The following CMIP variants were observed in gnomAD, a reference collection of about 807,000 sequenced individuals.
CMIP encodes the protein C-Maf-inducing protein.
In CMIP, 13 loss-of-function variants were observed where a neutral mutation model predicts 97.3. The observed-to-expected ratio is 0.13, with a 90% confidence interval of 0.09 to 0.21. The LOEUF (loss-of-function observed/expected upper bound fraction) is 0.21. Ranked by LOEUF, CMIP falls within the 10% of genes least tolerant of loss-of-function variation. The pLI, the probability that CMIP is intolerant of heterozygous loss-of-function variation, is 1.00. For missense variants in CMIP, 847 were observed against 1,024.9 expected, an observed-to-expected ratio of 0.83 and a Z score of 2.37; for synonymous variants, 538 against 436.3, an observed-to-expected ratio of 1.23 and a Z score of -2.91.
At chr16:81,511,850 C>G (rs2089816725) in intron 1 of CMIP, among the ~76,000 whole-genome samples, 1 of 152,230 alleles carries the variant, frequency 6.6e-6, no homozygotes, top group South Asian at 2.1e-4. Flanking sequence ...GTGTGAGCCA[C>G]TGCACCTGGC....
intron 3 of CMIP, among the ~76,000 whole-genome samples, chr16:81,649,306 C>T (rs554447336): frequency 4.6e-5 from 7 of 152,366 alleles, no homozygotes; most frequent in South Asian, 2.1e-4. Flanking sequence ...TTGTCCTCCC[C>T]GCTCCAAGGA....
In CMIP at chr16:81,696,672, G is replaced by T. The variant is rs371157898; in HGVS notation, c.1638+5G>T. The T allele has an allele frequency of 1.2e-6, 2 of 1,604,048 alleles. No individual in the cohort carries two copies. The highest frequency in any genetic ancestry group is 1.7e-4 in the Middle Eastern group (1 of 5,774). The stretch of plus-strand genomic sequence containing the variant: ...GGGGAGCTGTTCGCCAGCATGGTAC[G>T]CAGTGGGACCCCAGTGGGGTGACTT... On this transcript the variant is annotated splice_donor_5th_base_variant and intron_variant, in intron 14 of 20. Coordinates refer to ENST00000537098, the MANE Select transcript of CMIP (RefSeq NM_198390.3).
At chr16:81,512,835 C>G (rs771688569) in intron 1 of CMIP, among the ~76,000 whole-genome samples, 22 of 152,132 alleles carry the variant, frequency 1.4e-4, no homozygotes, top group Non-Finnish European at 2.5e-4. Context: ...TTCCTGGGTT[C>G]AAGCAATTCT....
rs1191764449 is a variant in CMIP at position 81,706,881 on chromosome 16, A to G, written c.2198-133A>G. The G allele has an allele frequency of 1.8e-5, 13 of 727,930 alleles. No individual in the cohort carries two copies. The East Asian group carries it at 3.3e-4, about 18-fold the overall frequency. The allele number at this position is 727,930 out of a possible 1,614,324, so 45.1% of individuals were successfully genotyped here. A position where few individuals can be genotyped will look rare whatever the true frequency, so the allele number is the denominator to read the frequency against. On this transcript the variant is annotated intron_variant, in intron 19 of 20. Coordinates refer to ENST00000537098, the MANE Select transcript of CMIP (RefSeq NM_198390.3). Reference sequence around the variant, plus strand: ...GCCACCTACCCTGGCTGTGTCTACGAAACCTCCCTCCCCAGCCCCATCTCC... The same window carrying G: ...GCCACCTACCCTGGCTGTGTCTACGGAACCTCCCTCCCCAGCCCCATCTCC...
At chr16:81,587,789 T>C (rs1349178637) in intron 1 of CMIP, among the ~76,000 whole-genome samples, 1 of 152,218 alleles carries the variant, frequency 6.6e-6, no homozygotes, top group Non-Finnish European at 1.5e-5. Context: ...AGAGCACACG[T>C]TGATCCCCTC....
At chr16:81,522,701 G>A (rs890379936) in intron 1 of CMIP, among the ~76,000 whole-genome samples, 3 of 152,028 alleles carry the variant, frequency 2.0e-5, no homozygotes, top group Admixed American at 6.6e-5. Flanking sequence ...CTACCGCCCC[G>A]ACTAGAGCAT....
chr16:81,700,538 C>T (rs1420912072), intron 15 of CMIP: 1 of 152,524 alleles, frequency 6.6e-6, no homozygotes, highest in African/African-American at 2.4e-5. Flanking sequence ...GCCACATCCT[C>T]CTGCTGGCAG....
intron 1 of CMIP, among the ~76,000 whole-genome samples, chr16:81,482,062 A>T (rs2089233165): frequency 6.6e-6 from 1 of 152,104 alleles, no homozygotes; most frequent in Non-Finnish European, 1.5e-5. Flanking sequence ...TATTTTTAGC[A>T]GAGACAGCGT....
At chr16:81,591,556 C>T (rs1478143002) in intron 1 of CMIP, among the ~76,000 whole-genome samples, 1 of 152,110 alleles carries the variant, frequency 6.6e-6, no homozygotes, top group Non-Finnish European at 1.5e-5. Context: ...ATCATACTGG[C>T]CAAAACAAGC....
chr16:81,654,384 C>T (rs1308162832), intron 4 of CMIP, among the ~76,000 whole-genome samples: 1 of 152,186 alleles, frequency 6.6e-6, no homozygotes, highest in Non-Finnish European at 1.5e-5. Context: ...AGACACCTGG[C>T]TGAGGGTGCT....
intron 1 of CMIP, among the ~76,000 whole-genome samples, chr16:81,567,415 G>A (rs999496662): frequency 1.3e-5 from 2 of 152,224 alleles, no homozygotes; most frequent in African/African-American, 4.8e-5. Flanking sequence ...CACCTTCCCC[G>A]GGCCCAGGAG....
At chr16:81,543,624 T>A (rs2090490227) in intron 1 of CMIP, among the ~76,000 whole-genome samples, 1 of 151,960 alleles carries the variant, frequency 6.6e-6, no homozygotes, top group African/African-American at 2.4e-5. Context: ...GCTAGTCACT[T>A]CCCCCCGTTC....
At chr16:81,576,784 G>A (rs1183221039) in intron 1 of CMIP, among the ~76,000 whole-genome samples, 1 of 152,178 alleles carries the variant, frequency 6.6e-6, no homozygotes, top group Non-Finnish European at 1.5e-5. Context: ...CTTTCTAGCT[G>A]TGTAGCTTTG....
rs2089468878 is a variant in CMIP at position 81,495,311 on chromosome 16, G to C, written c.300+49770G>C. ...ACCCTCTGGGGCGGGGCCCTGGGCA[G>C]GCTGGTTCAGTGATAAGCAGGAGCC... is the stretch of plus-strand genomic sequence containing the variant. On this transcript the variant is annotated intron_variant, in intron 1 of 20. Coordinates refer to ENST00000537098, the MANE Select transcript of CMIP (RefSeq NM_198390.3). 2.8e-6 allele frequency: 4 copies of C among 1,448,698 alleles called. No individual in the cohort carries two copies. In the South Asian group the frequency reaches 4.3e-5, roughly 16 times the overall value. The allele number at this position is 1,448,698 out of a possible 1,614,324, so 89.7% of individuals were successfully genotyped here. A position where few individuals can be genotyped will look rare whatever the true frequency, so the allele number is the denominator to read the frequency against.
At chr16:81,580,478 G>C (rs2091277744) in intron 1 of CMIP, among the ~76,000 whole-genome samples, 1 of 151,402 alleles carries the variant, frequency 6.6e-6, no homozygotes, top group African/African-American at 2.4e-5. Context: ...CTGTCACCCA[G>C]GCTGGAGTGC....
intron 3 of CMIP, among the ~76,000 whole-genome samples, chr16:81,635,388 T>C (rs1227861364): frequency 2.0e-5 from 3 of 152,124 alleles, no homozygotes; most frequent in Non-Finnish European, 2.9e-5. Context: ...TCATTTTAAT[T>C]TTTTAAAGGT....
intron 1 of CMIP, among the ~76,000 whole-genome samples, chr16:81,589,056 G>C (rs2091426795): frequency 1.3e-5 from 2 of 152,018 alleles, no homozygotes; most frequent in South Asian, 4.2e-4. Context: ...CCGGTGCTCA[G>C]AATATTGTAT....
Position 81,652,058 on chromosome 16 carries a change from G to A in CMIP, c.478-145G>A. On this transcript the variant is annotated intron_variant, in intron 3 of 20. Coordinates refer to ENST00000537098, the MANE Select transcript of CMIP (RefSeq NM_198390.3). This position sits in a 1 kb window ranked among gnomAD's most constrained non-coding sequence, Gnocchi z 5.2. ...AGACCCTTCCTCTCTCGGGGTGTCA[G>A]TTTCCTTATAAACGGGGACTGGGCC... 1 of 638,908 alleles carries A rather than the reference G, an allele frequency of 1.6e-6. No individual in the cohort carries two copies. Among genetic ancestry groups the A allele is most frequent in the Non-Finnish European group, 2.7e-6 (1 of 372,360 alleles). The allele number at this position is 638,908 out of a possible 1,614,324, so 39.6% of individuals were successfully genotyped here. A position where few individuals can be genotyped will look rare whatever the true frequency, so the allele number is the denominator to read the frequency against.
At chr16:81,659,500 G>A (rs1411900888) in intron 5 of CMIP, among the ~76,000 whole-genome samples, 1 of 152,200 alleles carries the variant, frequency 6.6e-6, no homozygotes, top group East Asian at 1.9e-4. Flanking sequence ...AACGGAGCAA[G>A]CTGGGGAAGG....
Sources: gnomAD v4.1 joint callset for allele counts (sites outside exome capture counted in the v4.1 genomes callset) on GRCh38, gnomAD v4.1.1 for gene constraint, Gnocchi (gnomAD v3.1) non-coding constraint, MANE v1.5 for transcripts, NCBI Gene and HGNC (gene_info 2026-07-23, HGNC 2026-07-21) for gene names.